GATAD2B: variants seen among roughly 807,000 people sequenced by gnomAD.
The protein encoded by GATAD2B is transcriptional repressor p66-beta.
In GATAD2B, 8 loss-of-function variants were observed where a neutral mutation model predicts 64.3. The observed-to-expected ratio is 0.12, with a 90% CI of 0.07 to 0.22. GATAD2B has a LOEUF of 0.22. GATAD2B is among the 10% of genes least tolerant of loss of function. The pLI is 1.00. For synonymous variants in GATAD2B, 281 were observed against 271.3 expected (o/e 1.04, Z -0.35); for missense variants, 453 against 752.0 (o/e 0.60, Z 4.65).
chr1:153,831,532 G>T (rs753422458), intron 1 of GATAD2B, among the ~76,000 whole-genome samples: 1 of 152,030 alleles, frequency 6.6e-6, no homozygotes, highest in Non-Finnish European at 1.5e-5. Context: ...GCTTTACTGA[G>T]ATATAATTCA....
chr1:153,847,655 T>A (rs1433230561), intron 1 of GATAD2B, among the ~76,000 whole-genome samples: 1 of 152,168 alleles, frequency 6.6e-6, no homozygotes, highest in Non-Finnish European at 1.5e-5. Flanking sequence ...AAGATTCATA[T>A]ACTTAGAAAT....
intron 1 of GATAD2B, among the ~76,000 whole-genome samples, chr1:153,918,958 T>TATAAAATAAA (rs71096503): frequency 6.6e-5 from 10 of 151,360 alleles, no homozygotes; most frequent in Non-Finnish European, 1.5e-4. Context: ...TCTCAAAAAA[T>TATAAAATAAA]ATAAAATAAA....
At chr1:153,846,024 A>G (rs1349196834) in intron 1 of GATAD2B, among the ~76,000 whole-genome samples, 1 of 148,938 alleles carries the variant, frequency 6.7e-6, no homozygotes, top group Non-Finnish European at 1.5e-5. Flanking sequence ...GGTGACATTA[A>G]CTTTCTGGTT....
chr1:153,881,298 T>C (rs1485799811), intron 1 of GATAD2B, among the ~76,000 whole-genome samples: 2 of 152,002 alleles, frequency 1.3e-5, no homozygotes, highest in Non-Finnish European at 2.9e-5. Context: ...GCTAGAACCA[T>C]CACTGCTACA....
At chr1:153,817,305 C>T in intron 6 of GATAD2B, 67 bp downstream of exon 6, 5 of 1,411,616 alleles carry the variant, frequency 3.5e-6, no homozygotes, top group Non-Finnish European at 1.9e-6. Context: ...AACCTATGGC[C>T]CTTTCGACAA....
At chr1:153,887,603 C>G (rs908346205) in intron 1 of GATAD2B, among the ~76,000 whole-genome samples, 8 of 152,042 alleles carry the variant, frequency 5.3e-5, no homozygotes, top group Non-Finnish European at 1.2e-4. Flanking sequence ...AAGTAGTACT[C>G]CTATTTTATT....
chr1:153,910,806 A>G (rs995735768), intron 1 of GATAD2B, among the ~76,000 whole-genome samples: 1 of 152,186 alleles, frequency 6.6e-6, no homozygotes, highest in African/African-American at 2.4e-5. Context: ...ATTTTGTCCA[A>G]CTGTAAGCTA....
intron 1 of GATAD2B, among the ~76,000 whole-genome samples, chr1:153,876,247 A>AAAAAAAAAAAAAAAAG (rs1676829655): frequency 6.7e-6 from 1 of 149,996 alleles, no homozygotes; most frequent in South Asian, 2.1e-4. Flanking sequence ...AAAAAAAAAA[A>AAAAAAAAAAAAAAAAG]AAAAAAAAAA....
At chr1:153,899,533 A>T (rs952004131) in intron 1 of GATAD2B, among the ~76,000 whole-genome samples, 6 of 151,344 alleles carry the variant, frequency 4.0e-5, no homozygotes, top group African/African-American at 1.5e-4. Flanking sequence ...GCGCCATTGC[A>T]CTCCAGCCTG....
At chr1:153,836,199 A>G (rs1460328043) in intron 1 of GATAD2B, among the ~76,000 whole-genome samples, 2 of 151,876 alleles carry the variant, frequency 1.3e-5, no homozygotes, top group Non-Finnish European at 2.9e-5. Context: ...CAGTGACACA[A>G]GAGGATCATT....
rs373034244 is a variant in GATAD2B at position 153,812,695 on chromosome 1, A to G, written c.1419+555T>C. 3.3e-5 allele frequency among the ~76,000 whole-genome samples: 5 copies of G among 152,298 alleles called. No homozygotes were observed. In the East Asian group the frequency reaches 9.6e-4, roughly 29 times the overall value. ...GACTCCTGCCTACCCGATCTTCCAA[A>G]AAGTCCATGATGCTACTCAAACAAG... On this transcript the variant is annotated intron_variant, in intron 8 of 10. Coordinates refer to ENST00000368655, the MANE Select transcript of GATAD2B (RefSeq NM_020699.4).
At chr1:153,872,187 C>T (rs1470994265) in intron 1 of GATAD2B, among the ~76,000 whole-genome samples, 1 of 151,180 alleles carries the variant, frequency 6.6e-6, no homozygotes, top group African/African-American at 2.4e-5. Flanking sequence ...GGTGTGGTAG[C>T]GTGTGCCTGT....
intron 1 of GATAD2B, among the ~76,000 whole-genome samples, chr1:153,839,751 C>T (rs970950594): frequency 6.6e-6 from 1 of 152,122 alleles, no homozygotes; most frequent in East Asian, 1.9e-4. Context: ...AGGCAGATCA[C>T]TTGAGGTTAG....
intron 1 of GATAD2B, among the ~76,000 whole-genome samples, chr1:153,878,727 T>C (rs1676911976): frequency 6.7e-6 from 1 of 148,386 alleles, no homozygotes; most frequent in Non-Finnish European, 1.5e-5. Context: ...GAAGCAAAAA[T>C]AAACTCACAT....
intron 1 of GATAD2B, among the ~76,000 whole-genome samples, chr1:153,915,241 G>A (rs1390150001): frequency 2.6e-5 from 4 of 152,096 alleles, no homozygotes; most frequent in East Asian, 1.9e-4. Flanking sequence ...CCTGGCCAAC[G>A]TGGTGAAACC....
At chr1:153,840,703 G>T (rs975167294) in intron 1 of GATAD2B, among the ~76,000 whole-genome samples, 1 of 152,142 alleles carries the variant, frequency 6.6e-6, no homozygotes, top group South Asian at 2.1e-4. Flanking sequence ...TAAAAACTTT[G>T]AAGTAAATAT....
chr1:153,825,411 T>C (rs1674837720), intron 2 of GATAD2B, among the ~76,000 whole-genome samples: 1 of 152,198 alleles, frequency 6.6e-6, no homozygotes, highest in Non-Finnish European at 1.5e-5. Flanking sequence ...AGAGGTTTTT[T>C]TGTGGTTGTT....
chr1:153,891,135 G>T (rs1338013584), intron 1 of GATAD2B, among the ~76,000 whole-genome samples: 1 of 151,712 alleles, frequency 6.6e-6, no homozygotes, highest in Non-Finnish European at 1.5e-5. Context: ...AGTGAGCTGA[G>T]ATCGCACCAT....
At position 153,809,946 on chromosome 1, in the gene GATAD2B, G is replaced by C. The variant is rs1674236751; in HGVS notation, c.*231C>G. 6.8e-6 allele frequency: 3 copies of C among 442,818 alleles called. No individual in the cohort carries two copies. The highest frequency in any genetic ancestry group is 8.6e-5 in the East Asian group (2 of 23,300). 27.4% of individuals were successfully genotyped at this position (442,818 alleles called of 1,614,324 possible). ...CCTCACTGTTAAAGAAAACTGAAGA[G>C]AGAAGACAGAGCGGCAGAAGAACAG... On this transcript the variant is annotated 3_prime_UTR_variant, in exon 11 of 11. Coordinates refer to ENST00000368655, the MANE Select transcript of GATAD2B (RefSeq NM_020699.4).
Sources: gnomAD v4.1 joint callset for allele counts (sites outside exome capture counted in the v4.1 genomes callset) on GRCh38, gnomAD v4.1.1 for gene constraint, MANE v1.5 for transcripts, NCBI Gene and HGNC (gene_info 2026-07-23, HGNC 2026-07-21) for gene names.